The following PRKN variants were observed in gnomAD, a reference collection of about 807,000 sequenced individuals.
PRKN encodes the protein E3 ubiquitin-protein ligase parkin.
In PRKN, 56 loss-of-function variants were observed where a neutral mutation model predicts 59.5. The ratio of observed to expected loss-of-function variants is 0.94; its 90% CI spans 0.76 to 1.18. The LOEUF is 1.18. Among genes scored for constraint, PRKN ranks in the 50% most tolerant of loss-of-function variants. The probability of loss-of-function intolerance (pLI) is 0.00; values close to 1 mark genes in which losing one functional copy is unlikely to be tolerated. For missense variants in PRKN, 657 were observed against 596.4 expected (o/e 1.10, Z -1.06); for synonymous variants, 250 against 222.1 (o/e 1.13, Z -1.12).
chr6:162,014,404 C>T (rs976249955), intron 5 of PRKN, among the ~76,000 whole-genome samples: 5 of 152,142 alleles, frequency 3.3e-5, no homozygotes, highest in South Asian at 2.1e-4. Context: ...CCTCTTCAGG[C>T]GCCTCTGCAG....
intron 4 of PRKN, 76 bp downstream of exon 4, chr6:162,201,055 T>C: frequency 6.8e-7 from 1 of 1,474,904 alleles, no homozygotes; most frequent in Non-Finnish European, 9.5e-7. Flanking sequence ...GATACATCAT[T>C]AGAAAAACTG....
At chr6:161,917,882 A>T (rs1778632343) in intron 6 of PRKN, among the ~76,000 whole-genome samples, 1 of 152,218 alleles carries the variant, frequency 6.6e-6, no homozygotes, top group Admixed American at 6.5e-5. Context: ...GGCTTCGCTG[A>T]TCATGTCACC....
chr6:161,517,224 G>A (rs1409709373), intron 9 of PRKN, among the ~76,000 whole-genome samples: 1 of 152,096 alleles, frequency 6.6e-6, no homozygotes, highest in Non-Finnish European at 1.5e-5. Flanking sequence ...TGTTTGGCTG[G>A]GGCAGGGTTC....
intron 2 of PRKN, among the ~76,000 whole-genome samples, chr6:162,289,921 A>C (rs1432049044): frequency 6.6e-6 from 1 of 152,144 alleles, no homozygotes; most frequent in African/African-American, 2.4e-5. Context: ...TAAGTCCCTA[A>C]ATTGAAACAG....
intron 4 of PRKN, among the ~76,000 whole-genome samples, chr6:162,127,828 C>T (rs1164381680): frequency 6.6e-6 from 1 of 152,176 alleles, no homozygotes; most frequent in Non-Finnish European, 1.5e-5. Context: ...TACTGGCATA[C>T]TTATAAATAC....
At chr6:161,543,559 A>T (rs200458278) in intron 9 of PRKN, among the ~76,000 whole-genome samples, 2 of 152,170 alleles carry the variant, frequency 1.3e-5, no homozygotes, top group East Asian at 3.8e-4. Flanking sequence ...TGACTGTTAG[A>T]TGCCTTAAGA....
At chr6:162,022,787 C>T (rs916874851) in intron 5 of PRKN, among the ~76,000 whole-genome samples, 2 of 152,088 alleles carry the variant, frequency 1.3e-5, no homozygotes, top group African/African-American at 4.8e-5. Context: ...TTTAATAAAT[C>T]AGTGCCTTAC....
intron 1 of PRKN, among the ~76,000 whole-genome samples, chr6:162,502,706 C>G (rs976067676): frequency 6.6e-6 from 1 of 151,964 alleles, no homozygotes; most frequent in African/African-American, 2.4e-5. Flanking sequence ...CGCTTTTCCT[C>G]AGGAAAAGCG....
chr6:162,072,357 G>A (rs1435475159), intron 4 of PRKN, among the ~76,000 whole-genome samples: 3 of 152,148 alleles, frequency 2.0e-5, no homozygotes, highest in African/African-American at 7.2e-5. Context: ...GAGAGACCTC[G>A]ACTTCTGAGA....
chr6:162,181,269 A>G (rs1783793043), intron 4 of PRKN, among the ~76,000 whole-genome samples: 2 of 152,230 alleles, frequency 1.3e-5, no homozygotes, highest in African/African-American at 4.8e-5. Context: ...AGCATAGGAA[A>G]GGGAAGTGGG....
intron 7 of PRKN, among the ~76,000 whole-genome samples, chr6:161,620,265 G>T (rs888620337): frequency 6.6e-6 from 1 of 151,496 alleles, no homozygotes; most frequent in African/African-American, 2.4e-5. Flanking sequence ...GCCTCCCAAA[G>T]TGCTGGGATT....
intron 4 of PRKN, among the ~76,000 whole-genome samples, chr6:162,137,303 C>A (rs1176916542): frequency 6.6e-6 from 1 of 152,128 alleles, no homozygotes; most frequent in African/African-American, 2.4e-5. Context: ...GCTACTCAAA[C>A]TTTCTTGGGG....
chr6:162,071,856 C>T (rs1402775005), intron 4 of PRKN, among the ~76,000 whole-genome samples: 6 of 152,056 alleles, frequency 3.9e-5, no homozygotes, highest in Non-Finnish European at 4.4e-5. Context: ...GTCGGCCTCC[C>T]AAAGTACTAG....
intron 2 of PRKN, among the ~76,000 whole-genome samples, chr6:162,271,238 C>T (rs1303159325): frequency 6.6e-6 from 1 of 151,926 alleles, no homozygotes; most frequent in Non-Finnish European, 1.5e-5. Flanking sequence ...GACAAAACGG[C>T]AATGATTTAA....
rs372184805 is a variant in PRKN, at chr6:161,549,144, G to A, written c.934-141C>T. 4.1e-4 allele frequency: 362 copies of A among 880,620 alleles called. 1 individual carries two copies. In the African/African-American group the frequency reaches 4.4e-3, roughly 11 times the overall value. The allele number at this position is 880,620 out of a possible 1,614,324, so 54.6% of individuals were successfully genotyped here. On this transcript the variant is annotated intron_variant, in intron 8 of 11. Coordinates refer to ENST00000366898, the MANE Select transcript of PRKN (RefSeq NM_004562.3). This position sits in a 1 kb window ranked among gnomAD's most constrained non-coding sequence, Gnocchi z 6.0. The stretch of plus-strand genomic sequence containing the variant: ...TGTGTGTGTGTGTGTGTGTGTGTAG[G>A]GGGAGGGAGAGGGCCACGGGGTTGA...
rs60226003 is a variant in PRKN at position 161,499,115 on chromosome 6, G to GAC, written c.1083+49737_1083+49738dup. Reference sequence around the variant, plus strand: ...ACTGGTGGCTTGTGAGCAGGGTCTGGACACACACACACACACATTTTTTTT... The same window carrying GAC: ...ACTGGTGGCTTGTGAGCAGGGTCTGGACACACACACACACACACATTTTTTTT... On this transcript the variant is annotated intron_variant, in intron 9 of 11. Transcript: ENST00000366898. The surrounding 1 kb of genome is among the most constrained non-coding windows in gnomAD (Gnocchi z 4.2). Among the ~76,000 whole-genome samples the GAC allele has an allele frequency of 0.27, 39,129 of 142,822 alleles. 5,808 individuals carry two copies. The highest frequency in any genetic ancestry group is 0.41 in the Middle Eastern group (111 of 272). 93.7% of individuals were successfully genotyped at this position (142,822 alleles called of 152,430 possible).
intron 1 of PRKN, among the ~76,000 whole-genome samples, chr6:162,556,423 C>CT (rs1346763069): frequency 7.4e-6 from 1 of 135,604 alleles, no homozygotes; most frequent in Non-Finnish European, 1.6e-5. Flanking sequence ...CAGACGCCTT[C>CT]TTTTTTTTTC....
chr6:161,391,399 G>C lies in PRKN; in HGVS notation c.1084-4522C>G, dbSNP rs1490798643. On this transcript the variant is annotated intron_variant, in intron 9 of 11. Transcript: ENST00000366898. The surrounding 1 kb of genome is among the most constrained non-coding windows in gnomAD (Gnocchi z 4.9). ...CATTTTCAGGATTGTCTTCTCTTGT[G>C]GTGGATCTAACAAATGTGATCCATT... 6.6e-6 allele frequency among the ~76,000 whole-genome samples: 1 copy of C among 151,384 alleles called. No individual in the cohort carries two copies. Among genetic ancestry groups the C allele is most frequent in the African/African-American group, 2.4e-5 (1 of 41,164 alleles).
At position 161,372,534 on chromosome 6, in the gene PRKN, A is replaced by G. The variant is rs538582634; in HGVS notation, c.1168-12329T>C. On this transcript the variant is annotated intron_variant, in intron 10 of 11. Transcript: ENST00000366898. This position sits in a 1 kb window ranked among gnomAD's most constrained non-coding sequence, Gnocchi z 4.2. ...AGGCACTGTCCTGGACCCTGGGGATACATCCCAGTAAACAAGAGAGATGAC... is the reference window on the plus strand; with the variant it reads ...AGGCACTGTCCTGGACCCTGGGGATGCATCCCAGTAAACAAGAGAGATGAC... Among the ~76,000 whole-genome samples the G allele has an allele frequency of 2.6e-5, 4 of 152,328 alleles. No homozygotes were observed. The East Asian group carries it at 7.7e-4, about 29-fold the overall frequency.
Sources: allele counts gnomAD v4.1 joint callset (sites outside exome capture counted in the v4.1 genomes callset), GRCh38; gene constraint gnomAD v4.1.1; non-coding constraint Gnocchi (gnomAD v3.1); transcripts MANE v1.5; gene names NCBI Gene and HGNC (gene_info 2026-07-23, HGNC 2026-07-21).